BRD8: variants seen among roughly 807,000 people sequenced by gnomAD.
BRD8 encodes bromodomain containing 8.
Under a neutral mutation model 143.1 loss-of-function variants are expected in BRD8, and 67 were observed. That is an observed-to-expected ratio of 0.47 (90% CI 0.38 to 0.57). The LOEUF (loss-of-function observed/expected upper bound fraction) is 0.57, where lower values mean the gene tolerates loss of function less well. Ranked by LOEUF, BRD8 falls within the 20% of genes least tolerant of loss-of-function variation. The probability of loss-of-function intolerance (pLI) is 0.00; values close to 1 mark genes in which losing one functional copy is unlikely to be tolerated. For synonymous variants in BRD8, 505 were observed against 517.1 expected, an observed-to-expected ratio of 0.98 and a Z score of 0.32; for missense variants, 1,103 against 1,503.0, an observed-to-expected ratio of 0.73 and a Z score of 4.40.
At chr5:138,170,755 G>T in intron 6 of BRD8, 77 bp downstream of exon 6, 1 of 1,337,006 alleles carries the variant, frequency 7.5e-7, no homozygotes, top group Non-Finnish European at 1.1e-6. Context: ...GGCAATTGGA[G>T]GAAATAAGCC....
At chr5:138,157,596 G>A (rs1664788323) in intron 20 of BRD8, 1 of 299,530 alleles carries the variant, frequency 3.3e-6, no homozygotes, top group African/African-American at 2.2e-5. Context: ...AGAAAGGTAG[G>A]AGAGTCAGAA....
At chr5:138,156,226 G>A (rs1392113318) in intron 20 of BRD8, among the ~76,000 whole-genome samples, 2 of 151,312 alleles carry the variant, frequency 1.3e-5, no homozygotes, top group African/African-American at 2.4e-5. Context: ...TGCAACCTCC[G>A]CCTCCCGGGT....
intron 25 of BRD8, 33 bp downstream of exon 25, chr5:138,145,144 C>A (rs1381239102): frequency 6.3e-7 from 1 of 1,588,094 alleles, no homozygotes; most frequent in East Asian, 2.2e-5. Context: ...GATATAAAAG[C>A]AACCAACCTT....
chr5:138,177,958 C>G (rs920325560), intron 1 of BRD8, among the ~76,000 whole-genome samples: 13 of 152,200 alleles, frequency 8.5e-5, no homozygotes, highest in African/African-American at 2.4e-4. Flanking sequence ...TTAGGCAGTT[C>G]TCCCTAAAAG....
intron 23 of BRD8, among the ~76,000 whole-genome samples, chr5:138,148,332 A>G (rs1752243679): frequency 6.6e-6 from 1 of 152,162 alleles, no homozygotes; most frequent in African/African-American, 2.4e-5. Context: ...AAAGAAACAA[A>G]GATCACAAAC....
At chr5:138,164,164 T>A (rs1445944235) in intron 13 of BRD8, 31 bp from the exon 14 acceptor site, 46 of 1,611,782 alleles carry the variant, frequency 2.9e-5, no homozygotes, top group Non-Finnish European at 3.7e-5. Context: ...ACCTGAAGAT[T>A]TTTCCACCTT....
At chr5:138,156,971 C>T in intron 20 of BRD8, 1 of 1,316,708 alleles carries the variant, frequency 7.6e-7, no homozygotes, top group Non-Finnish European at 9.7e-7. Flanking sequence ...CAAGACAATA[C>T]AAACTAGCTA....
In BRD8 at chr5:138,139,786, T is replaced by A. The variant is rs375919506; in HGVS notation, c.*288A>T. Reference sequence around the variant, plus strand: ...CAATATTCCTATTGTGTAAATACATTTATTTATAGAGTAAAAGGCTTAGAA... The same window carrying A: ...CAATATTCCTATTGTGTAAATACATATATTTATAGAGTAAAAGGCTTAGAA... On this transcript the variant is annotated 3_prime_UTR_variant, in exon 27 of 27. Transcript: ENST00000254900. 10 of 367,590 alleles carry A rather than the reference T, an allele frequency of 2.7e-5. No homozygotes were observed. The highest frequency in any genetic ancestry group is 1.8e-4 in the African/African-American group (9 of 48,860). 22.8% of individuals were successfully genotyped at this position (367,590 alleles called of 1,614,324 possible).
chr5:138,159,637 GA>G (rs745373697), intron 19 of BRD8, 38 bp from the exon 20 acceptor site: 1 of 1,606,858 alleles, frequency 6.2e-7, no homozygotes, highest in South Asian at 1.1e-5. Context: ...AGGTTCCACA[GA>G]AACTCTCAGC....
intron 23 of BRD8, among the ~76,000 whole-genome samples, chr5:138,148,019 C>G (rs1228657701): frequency 6.6e-6 from 1 of 151,638 alleles, no homozygotes; most frequent in African/African-American, 2.4e-5. Flanking sequence ...TTATTTAGTC[C>G]TATAATTATC....
Position 138,152,537 on chromosome 5 carries a change from G to A in BRD8, c.2801C>T (p.Ser934Phe). The A allele has an allele frequency of 6.2e-7, 1 of 1,614,196 alleles. No individual in the cohort carries two copies. The change falls in exon 21 of 27, where the codon TCT becomes TTT. Residue 934 changes from serine to phenylalanine, a missense_variant. Ser to Phe is a radical substitution (Grantham distance 155). This residue lies in a region of BRD8 where 369 missense variants were observed against 445.5 expected (regional missense o/e 0.83). Transcript: ENST00000254900. ...GCTGGCTTTCCTTGCCGCTTCCTGA[G>A]ATTCCTCACTGCCTCCATCCCCAAC... ...LLVGDGGSEE[S>F]QEAARKASHQ...
intron 8 of BRD8, among the ~76,000 whole-genome samples, chr5:138,169,014 T>G (rs1421674071): frequency 6.6e-6 from 1 of 152,216 alleles, no homozygotes; most frequent in East Asian, 1.9e-4. Flanking sequence ...CTTAAAATAG[T>G]TTTTTACCTA....
At chr5:138,169,456 T>A (rs1753700591) in intron 7 of BRD8, 98 bp from the exon 8 acceptor site, 1 of 1,327,068 alleles carries the variant, frequency 7.5e-7, no homozygotes, top group Non-Finnish European at 1.0e-6. Flanking sequence ...AATAGGTATG[T>A]TGCATTACTA....
chr5:138,159,935 A>C, intron 19 of BRD8, 134 bp downstream of exon 19: 2 of 683,426 alleles, frequency 2.9e-6, no homozygotes, highest in Non-Finnish European at 5.1e-6. Flanking sequence ...AACCACCATC[A>C]TTCTAAGATC....
intron 20 of BRD8, among the ~76,000 whole-genome samples, chr5:138,158,086 T>C (rs1752721048): frequency 6.6e-6 from 1 of 152,196 alleles, no homozygotes; most frequent in Non-Finnish European, 1.5e-5. Context: ...AAAAAGGTGG[T>C]AACCTTGCAT....
At chr5:138,163,542 A>C (rs1406416576) in intron 14 of BRD8, 198 bp from the exon 15 acceptor site, 3 of 1,459,822 alleles carry the variant, frequency 2.1e-6, no homozygotes, top group African/African-American at 2.9e-5. Flanking sequence ...ACAAAGAATA[A>C]TACCCAGGAT....
At chr5:138,166,397 T>G in intron 10 of BRD8, 121 bp downstream of exon 10, 1 of 661,728 alleles carries the variant, frequency 1.5e-6, no homozygotes, top group Non-Finnish European at 2.6e-6. Context: ...AGGATAAAGA[T>G]GGCACATGTC....
chr5:138,169,954 C>T lies in BRD8; in HGVS notation c.505+391G>A, dbSNP rs539191781. On this transcript the variant is annotated intron_variant, in intron 7 of 26. Coordinates refer to ENST00000254900, the MANE Select transcript of BRD8 (RefSeq NM_139199.2). The stretch of plus-strand genomic sequence containing the variant: ...AGCCTGTGCAGCAAGAGCAAAACTC[C>T]GCCTGGGGGAAAAACAAAAAACAAA... 2.0e-3 allele frequency among the ~76,000 whole-genome samples: 310 copies of T among 152,276 alleles called. 3 individuals carry two copies. Among genetic ancestry groups the T allele is most frequent in the African/African-American group, 7.0e-3 (291 of 41,566 alleles).
chr5:138,149,076 A>G (rs1752277283), intron 23 of BRD8, among the ~76,000 whole-genome samples: 1 of 151,892 alleles, frequency 6.6e-6, no homozygotes, highest in Admixed American at 6.6e-5. Flanking sequence ...TATTAAAGAA[A>G]AAAAAAGCAC....
Sources: gnomAD v4.1 joint callset for allele counts (sites outside exome capture counted in the v4.1 genomes callset) on GRCh38, gnomAD v4.1.1 for gene constraint, gnomAD v4.1.1 regional missense constraint, MANE v1.5 for transcripts, NCBI Gene and HGNC (gene_info 2026-07-23, HGNC 2026-07-21) for gene names.